Variants in CTNNA2 observed in about 807,000 individuals in gnomAD.
CTNNA2 encodes catenin alpha-2.
In CTNNA2, 42 loss-of-function variants were observed where a neutral mutation model predicts 101.0. That is an observed-to-expected ratio of 0.42 (90% CI 0.32 to 0.54). The LOEUF is 0.54. Among genes scored for constraint, CTNNA2 ranks in the 20% least tolerant of loss-of-function variants. The pLI is 0.14. For synonymous variants in CTNNA2, 450 were observed against 456.4 expected (o/e 0.99, Z 0.18); for missense variants, 871 against 1,223.1 (o/e 0.71, Z 4.29).
intron 4 of CTNNA2, among the ~76,000 whole-genome samples, chr2:79,497,406 A>T (rs1489138122): frequency 1.3e-5 from 2 of 152,184 alleles, no homozygotes; most frequent in African/African-American, 2.4e-5. Context: ...ACATTGACCC[A>T]TCTCGTTCTT....
At chr2:79,449,101 C>G (rs1168727227) in intron 4 of CTNNA2, among the ~76,000 whole-genome samples, 1 of 151,976 alleles carries the variant, frequency 6.6e-6, no homozygotes, top group Non-Finnish European at 1.5e-5. Context: ...GAAAGGGATT[C>G]TGTCCCCACT....
chr2:80,088,824 G>T (rs1699602371), intron 7 of CTNNA2, among the ~76,000 whole-genome samples: 1 of 152,036 alleles, frequency 6.6e-6, no homozygotes. Context: ...ATGTTTGAAA[G>T]ACCCTGAGAC....
At chr2:80,295,317 G>A (rs1189679275) in intron 7 of CTNNA2, among the ~76,000 whole-genome samples, 2 of 151,678 alleles carry the variant, frequency 1.3e-5, no homozygotes, top group East Asian at 3.9e-4. Flanking sequence ...TCCTCTCTAG[G>A]ATTCCCTTTC....
chr2:79,726,962 G>A (rs1013907761), intron 2 of CTNNA2, among the ~76,000 whole-genome samples: 9 of 152,206 alleles, frequency 5.9e-5, no homozygotes, highest in African/African-American at 1.7e-4. Flanking sequence ...CAATCACTGT[G>A]TTGCTTATCT....
At chr2:79,993,344 C>G (rs1356819903) in intron 7 of CTNNA2, among the ~76,000 whole-genome samples, 1 of 152,156 alleles carries the variant, frequency 6.6e-6, no homozygotes, top group Non-Finnish European at 1.5e-5. Context: ...TTCTCTCTCC[C>G]TCTCCATTTT....
At chr2:80,372,890 GA>G (rs1361951386) in intron 7 of CTNNA2, among the ~76,000 whole-genome samples, 1 of 152,124 alleles carries the variant, frequency 6.6e-6, no homozygotes, top group African/African-American at 2.4e-5. Flanking sequence ...ATAACTGGGG[GA>G]AAAATACACT....
intron 7 of CTNNA2, among the ~76,000 whole-genome samples, chr2:80,033,972 T>TAAAAAAAAAAAAAAAAA (rs70940069): frequency 2.4e-5 from 2 of 84,226 alleles, no homozygotes; most frequent in Non-Finnish European, 2.2e-5. Context: ...GCTTATAATG[T>TAAAAAAAAAAAAAAAAA]AAAAAAAAAA....
intron 6 of CTNNA2, among the ~76,000 whole-genome samples, chr2:79,900,827 C>T (rs959491525): frequency 2.0e-5 from 3 of 151,988 alleles, no homozygotes; most frequent in South Asian, 2.1e-4. Context: ...CACAGAGAAA[C>T]GATAAATGCT....
chr2:80,327,696 G>A (rs879560513), intron 7 of CTNNA2, among the ~76,000 whole-genome samples: 2 of 152,168 alleles, frequency 1.3e-5, no homozygotes, highest in Admixed American at 1.3e-4. Context: ...TGAAGACAGG[G>A]GAGCTTACTT....
chr2:79,802,258 A>G (rs1288232477), intron 3 of CTNNA2, among the ~76,000 whole-genome samples: 2 of 152,180 alleles, frequency 1.3e-5, no homozygotes, highest in East Asian at 3.9e-4. Flanking sequence ...GAAAGCTTCT[A>G]GGTATAAAGG....
chr2:80,282,386 T>C (rs1246053185), intron 7 of CTNNA2, among the ~76,000 whole-genome samples: 2 of 151,996 alleles, frequency 1.3e-5, no homozygotes, highest in African/African-American at 4.8e-5. Context: ...TGGCAAAAAA[T>C]ATGACAATGT....
intron 4 of CTNNA2, among the ~76,000 whole-genome samples, chr2:79,860,546 G>GTTTTTTTTTTTTTTTTTTTTTTTTTTT (rs56929879): frequency 3.7e-5 from 4 of 107,180 alleles, no homozygotes; most frequent in African/African-American, 1.5e-4. Context: ...AGTAAGGGAA[G>GTTTTTTTTTTTTTTTTTTTTTTTTTTT]TTTTTTTTTT....
chr2:79,935,249 A>T (rs1687701797), intron 7 of CTNNA2, among the ~76,000 whole-genome samples: 1 of 152,128 alleles, frequency 6.6e-6, no homozygotes, highest in Non-Finnish European at 1.5e-5. Flanking sequence ...ATGAGGGGGC[A>T]GAGCCTCCAA....
intron 3 of CTNNA2, among the ~76,000 whole-genome samples, chr2:79,752,034 G>A (rs1672079782): frequency 1.3e-5 from 2 of 152,238 alleles, no homozygotes; most frequent in South Asian, 4.2e-4. Flanking sequence ...AATTAATTGG[G>A]AAGTCTTTAG....
chr2:79,626,340 C>T (rs78684058), intron 1 of CTNNA2, among the ~76,000 whole-genome samples: 1 of 152,080 alleles, frequency 6.6e-6, no homozygotes, highest in African/African-American at 2.4e-5. Context: ...GATGTTGAAC[C>T]CTAATTACAG....
chr2:80,363,458 C>A (rs929555317), intron 7 of CTNNA2, among the ~76,000 whole-genome samples: 1 of 152,130 alleles, frequency 6.6e-6, no homozygotes, highest in South Asian at 2.1e-4. Flanking sequence ...TAAAGCCGGG[C>A]TCAGTAAATG....
At chr2:79,565,747 A>G (rs949932100) in intron 1 of CTNNA2, among the ~76,000 whole-genome samples, 8 of 152,112 alleles carry the variant, frequency 5.3e-5, no homozygotes, top group African/African-American at 1.9e-4. Flanking sequence ...CTCAGTTACA[A>G]ATTTGTTTCA....
intron 2 of CTNNA2, among the ~76,000 whole-genome samples, chr2:79,295,491 TTTTC>T (rs1446468854): frequency 1.3e-5 from 2 of 152,068 alleles, no homozygotes; most frequent in African/African-American, 2.4e-5. Flanking sequence ...TGGATTTTTC[TTTTC>T]TTTTTTTTCT....
intron 7 of CTNNA2, among the ~76,000 whole-genome samples, chr2:80,277,177 C>T (rs1437988583): frequency 6.6e-6 from 1 of 151,798 alleles, no homozygotes; most frequent in East Asian, 1.9e-4. Flanking sequence ...AGGACAAGGT[C>T]AGGGAGGGGT....
Sources: allele counts gnomAD v4.1 joint callset (sites outside exome capture counted in the v4.1 genomes callset), GRCh38; gene constraint gnomAD v4.1.1; transcripts MANE v1.5; gene names NCBI Gene and HGNC (gene_info 2026-07-23, HGNC 2026-07-21).